The following UBE2K variants were observed in gnomAD, a reference collection of about 807,000 sequenced individuals.
The protein encoded by UBE2K is ubiquitin-conjugating enzyme E2 K.
UBE2K carries 6 observed loss-of-function variants against 30.0 expected under a neutral mutation model. That is an observed-to-expected ratio of 0.20 (90% CI 0.11 to 0.39). The LOEUF (loss-of-function observed/expected upper bound fraction) is 0.39, where lower values mean the gene tolerates loss of function less well. Among genes scored for constraint, UBE2K ranks in the 10% least tolerant of loss-of-function variants. The pLI is 1.00. For missense variants in UBE2K, 61 were observed against 241.6 expected, an observed-to-expected ratio of 0.25 and a Z score of 4.96; for synonymous variants, 86 against 83.7, an observed-to-expected ratio of 1.03 and a Z score of -0.15.
chr4:39,741,348 T>C (rs1288646956), intron 2 of UBE2K, among the ~76,000 whole-genome samples: 5 of 152,214 alleles, frequency 3.3e-5, no homozygotes, highest in Non-Finnish European at 7.3e-5. Flanking sequence ...ATATGCTTTT[T>C]ATATATTTGA....
At chr4:39,706,899 G>A (rs749914936) in intron 1 of UBE2K, among the ~76,000 whole-genome samples, 1 of 151,718 alleles carries the variant, frequency 6.6e-6, no homozygotes, top group African/African-American at 2.4e-5. Flanking sequence ...TTTGAATGAG[G>A]GAGGTTCTTT....
intron 1 of UBE2K, among the ~76,000 whole-genome samples, chr4:39,730,783 A>G (rs1180038441): frequency 6.7e-6 from 1 of 148,718 alleles, no homozygotes; most frequent in Non-Finnish European, 1.5e-5. Context: ...AAATAATAAT[A>G]ATAATAATTG....
chr4:39,770,071 G>A (rs371589362), intron 4 of UBE2K: 2 of 1,533,328 alleles, frequency 1.3e-6, no homozygotes, highest in Non-Finnish European at 1.8e-6. Flanking sequence ...GGGCCTCCAC[G>A]CCTGCGCGGC....
chr4:39,733,051 G>A (rs1395619891), intron 1 of UBE2K, among the ~76,000 whole-genome samples: 7 of 97,052 alleles, frequency 7.2e-5, no homozygotes, highest in Admixed American at 1.2e-4. Context: ...GGAACATCAG[G>A]AAAAAAAAAA....
intron 2 of UBE2K, among the ~76,000 whole-genome samples, chr4:39,740,997 G>T (rs1489982498): frequency 1.3e-5 from 2 of 151,998 alleles, no homozygotes; most frequent in Non-Finnish European, 2.9e-5. Flanking sequence ...ATCTGCCTGG[G>T]CGGGGTGGCT....
At chr4:39,768,447 CAAAAAAAA>C (rs35005914) in intron 4 of UBE2K, among the ~76,000 whole-genome samples, 7 of 88,144 alleles carry the variant, frequency 7.9e-5, no homozygotes, top group African/African-American at 1.8e-4. Flanking sequence ...ACTTCGTTTC[CAAAAAAAA>C]AAAAAAAAAA....
chr4:39,725,377 C>CAAA (rs56021137), intron 1 of UBE2K, among the ~76,000 whole-genome samples: 10 of 69,288 alleles, frequency 1.4e-4, no homozygotes, highest in African/African-American at 3.0e-4. Context: ...GACCCTGTCT[C>CAAA]AAAAAAAAAA....
chr4:39,726,846 C>T (rs985295480), intron 1 of UBE2K, among the ~76,000 whole-genome samples: 1 of 152,278 alleles, frequency 6.6e-6, no homozygotes, highest in South Asian at 2.1e-4. Context: ...ATCTACCCAC[C>T]TCAGCCTCCC....
intron 2 of UBE2K, among the ~76,000 whole-genome samples, chr4:39,743,852 C>A (rs184681593): frequency 6.6e-6 from 1 of 151,916 alleles, no homozygotes; most frequent in African/African-American, 2.4e-5. Context: ...TCAGTGTTTT[C>A]TTTTCTTTTT....
At chr4:39,734,578 A>G (rs190605646) in intron 1 of UBE2K, among the ~76,000 whole-genome samples, 62 of 152,286 alleles carry the variant, frequency 4.1e-4, no homozygotes, top group Admixed American at 8.5e-4. Flanking sequence ...CAGGAGGCCA[A>G]AGGTGGTGGA....
intron 1 of UBE2K, among the ~76,000 whole-genome samples, chr4:39,728,827 G>GTTTTTTTTTTT (rs372834149): frequency 2.3e-5 from 3 of 128,658 alleles, no homozygotes; most frequent in East Asian, 2.1e-4. Flanking sequence ...TGTTTTTTTT[G>GTTTTTTTTTTT]TTTTTTTTTT....
chr4:39,720,838 G>A (rs1342957545), intron 1 of UBE2K, among the ~76,000 whole-genome samples: 1 of 151,952 alleles, frequency 6.6e-6, no homozygotes, highest in Non-Finnish European at 1.5e-5. Context: ...TGAACTCCAG[G>A]GCTCAAGTGA....
At chr4:39,709,663 C>T (rs1472533390) in intron 1 of UBE2K, among the ~76,000 whole-genome samples, 2 of 151,992 alleles carry the variant, frequency 1.3e-5, no homozygotes, top group African/African-American at 4.8e-5. Flanking sequence ...AACGTGTCCC[C>T]TGTGGATAAG....
intron 1 of UBE2K, among the ~76,000 whole-genome samples, chr4:39,712,855 T>C (rs888924878): frequency 2.0e-5 from 3 of 150,384 alleles, no homozygotes; most frequent in African/African-American, 7.3e-5. Flanking sequence ...GTAAATTTAG[T>C]GTTTACTTTT....
chr4:39,702,247 T>TC (rs1718068684), intron 1 of UBE2K, among the ~76,000 whole-genome samples: 2 of 10,676 alleles, frequency 1.9e-4, no homozygotes, highest in East Asian at 0.011. Flanking sequence ...TTTTTTTTTT[T>TC]TTTTTTTTTT....
At chr4:39,725,377 CAAAAAAAAAA>C (rs56021137) in intron 1 of UBE2K, among the ~76,000 whole-genome samples, 1 of 69,276 alleles carries the variant, frequency 1.4e-5, no homozygotes, top group East Asian at 4.6e-4. Context: ...GACCCTGTCT[CAAAAAAAAAA>C]AAAAAAAAAA....
At chr4:39,763,838 C>T (rs1231748386) in intron 4 of UBE2K, among the ~76,000 whole-genome samples, 1 of 152,166 alleles carries the variant, frequency 6.6e-6, no homozygotes, top group African/African-American at 2.4e-5. Context: ...CTTCCAGGCT[C>T]AATTGGTCTT....
intron 3 of UBE2K, among the ~76,000 whole-genome samples, chr4:39,749,917 G>A (rs777080207): frequency 2.0e-5 from 3 of 152,210 alleles, no homozygotes; most frequent in East Asian, 1.9e-4. Context: ...AATAAGATAC[G>A]GCCAGGCGCG....
intron 1 of UBE2K, among the ~76,000 whole-genome samples, chr4:39,727,876 AAT>A (rs1015613137): frequency 3.3e-5 from 5 of 152,162 alleles, no homozygotes; most frequent in African/African-American, 1.2e-4. Context: ...TCACGCCTGT[AAT>A]CCCAGCACTT....
Sources: allele counts gnomAD v4.1 joint callset (sites outside exome capture counted in the v4.1 genomes callset), GRCh38; gene constraint gnomAD v4.1.1; transcripts MANE v1.5; gene names NCBI Gene and HGNC (gene_info 2026-07-23, HGNC 2026-07-21).